PRDM16: variants seen among roughly 807,000 people sequenced by gnomAD.
The protein encoded by PRDM16 is histone-lysine N-methyltransferase PRDM16.
Under a neutral mutation model 110.6 loss-of-function variants are expected in PRDM16, and 23 were observed. The ratio of observed to expected loss-of-function variants is 0.21; its 90% CI spans 0.15 to 0.29. The LOEUF is 0.29. Among genes scored for constraint, PRDM16 ranks in the 10% least tolerant of loss-of-function variants. The probability of loss-of-function intolerance (pLI) is 1.00; values close to 1 mark genes in which losing one functional copy is unlikely to be tolerated. For synonymous variants in PRDM16, 799 were observed against 781.8 expected, an observed-to-expected ratio of 1.02 and a Z score of -0.37; for missense variants, 1,615 against 1,794.3, an observed-to-expected ratio of 0.90 and a Z score of 1.81.
intron 3 of PRDM16, among the ~76,000 whole-genome samples, chr1:3,328,301 T>C (rs1641963924): frequency 6.6e-6 from 1 of 152,366 alleles, no homozygotes; most frequent in Admixed American, 6.5e-5. Context: ...TGTGGGGAGC[T>C]GTTCTGTGCA....
intron 2 of PRDM16, among the ~76,000 whole-genome samples, chr1:3,218,497 C>G (rs1322799874): frequency 6.6e-6 from 1 of 152,252 alleles, no homozygotes; most frequent in Admixed American, 6.5e-5. Context: ...CATACGCACA[C>G]GTGCACACAG....
chr1:3,413,710 G>A (rs1258745672), intron 9 of PRDM16, among the ~76,000 whole-genome samples: 1 of 152,178 alleles, frequency 6.6e-6, no homozygotes, highest in Non-Finnish European at 1.5e-5. Flanking sequence ...CTCAGTGATG[G>A]GAAAGAGGCT....
chr1:3,406,329 C>G (rs1643561175), intron 8 of PRDM16, among the ~76,000 whole-genome samples: 1 of 152,072 alleles, frequency 6.6e-6, no homozygotes, highest in African/African-American at 2.4e-5. Flanking sequence ...GGCGTTCCAG[C>G]AAAGACACAA....
At chr1:3,422,883 G>A (rs1050928345) in intron 12 of PRDM16, among the ~76,000 whole-genome samples, 5 of 152,230 alleles carry the variant, frequency 3.3e-5, no homozygotes, top group Admixed American at 3.3e-4. Context: ...CCGGGTGCCC[G>A]GAGGCAGCTC....
chr1:3,414,813 C>A (rs1643753428), intron 10 of PRDM16, among the ~76,000 whole-genome samples, 166 bp downstream of exon 10: 1 of 152,092 alleles, frequency 6.6e-6, no homozygotes, highest in African/African-American at 2.4e-5. Flanking sequence ...TGAGGCCCCT[C>A]AGGTCACTGT....
intron 3 of PRDM16, among the ~76,000 whole-genome samples, chr1:3,296,035 A>T (rs1220482464): frequency 1.3e-5 from 2 of 152,164 alleles, no homozygotes; most frequent in African/African-American, 4.8e-5. Flanking sequence ...CCGCACTCCC[A>T]TCCTAAGCTG....
intron 3 of PRDM16, among the ~76,000 whole-genome samples, chr1:3,277,318 A>T (rs917603635): frequency 1.3e-5 from 2 of 151,278 alleles, no homozygotes; most frequent in African/African-American, 4.9e-5. Flanking sequence ...CACACGCTTC[A>T]CTCTCCCTGT....
In PRDM16 at chr1:3,358,818, G is replaced by T. The variant is rs184800017; in HGVS notation, c.439-26334G>T. 1.3e-5 allele frequency among the ~76,000 whole-genome samples: 2 copies of T among 152,130 alleles called. No individual in the cohort carries two copies. Among genetic ancestry groups the T allele is most frequent in the Non-Finnish European group, 2.9e-5 (2 of 68,042 alleles). On this transcript the variant is annotated intron_variant, in intron 3 of 16. Coordinates refer to ENST00000270722, the MANE Select transcript of PRDM16 (RefSeq NM_022114.4). The surrounding 1 kb of genome is among the most constrained non-coding windows in gnomAD (Gnocchi z 4.0). ...GTCACAGTGTGTGATGATTCCTGCC[G>T]GGGAGGAGGGAGCTCATTCCAAACT...
At chr1:3,395,498 C>G (rs1237179866) in intron 4 of PRDM16, among the ~76,000 whole-genome samples, 1 of 152,202 alleles carries the variant, frequency 6.6e-6, no homozygotes, top group African/African-American at 2.4e-5. Flanking sequence ...CTGCAGTTCC[C>G]TGGAAGCTCC....
intron 2 of PRDM16, among the ~76,000 whole-genome samples, chr1:3,202,208 G>A (rs1428335042): frequency 1.3e-5 from 2 of 152,186 alleles, no homozygotes; most frequent in African/African-American, 4.8e-5. Context: ...TACATGAGGG[G>A]AAACTGAGTC....
rs955472574 is a variant in PRDM16 at position 3,275,242 on chromosome 1, G to A, written c.438+31105G>A. On this transcript the variant is annotated intron_variant, in intron 3 of 16. Coordinates refer to ENST00000270722, the MANE Select transcript of PRDM16 (RefSeq NM_022114.4). ...TGAGTTTGCCAGAATCCAGCCAAGT[G>A]AGTAACATCGGCCTGTCAGCCATGG... Among the ~76,000 whole-genome samples the A allele has an allele frequency of 3.3e-5, 5 of 152,374 alleles. No individual in the cohort carries two copies. The East Asian group carries it at 7.7e-4, about 23-fold the overall frequency.
Position 3,417,907 on chromosome 1 carries a change from C to G in PRDM16, c.2771C>G (p.Pro924Arg), listed in dbSNP as rs776849795. 2 of 1,612,650 alleles carry G rather than the reference C, an allele frequency of 1.2e-6. No individual in the cohort carries two copies. The highest frequency in any genetic ancestry group is 3.3e-5 in the Admixed American group (2 of 60,004). ...GCGGACTCGGGCAGCTCCCTGCAGC[C>G]CCTCCCCCACCACCCCTTCAACTTC... ...MKADSGSSLQ[P>R]LPHHPFNFRS... The change falls in exon 11 of 17, where the codon CCC becomes CGC. Residue 924 changes from proline to arginine, a missense_variant. Around this residue, in one of 5 missense-constraint regions of PRDM16, gnomAD observed 772 missense variants for 748.3 expected, o/e 1.03. Coordinates refer to ENST00000270722, the MANE Select transcript of PRDM16 (RefSeq NM_022114.4).
chr1:3,367,840 C>T (rs1036064512), intron 3 of PRDM16, among the ~76,000 whole-genome samples: 2 of 152,060 alleles, frequency 1.3e-5, no homozygotes, highest in African/African-American at 4.8e-5. Context: ...GATATGAAAT[C>T]GAAAAGGCAA....
At chr1:3,179,965 C>T (rs971183823) in intron 1 of PRDM16, among the ~76,000 whole-genome samples, 2 of 152,020 alleles carry the variant, frequency 1.3e-5, no homozygotes, top group South Asian at 2.1e-4. Context: ...AAGACATTAA[C>T]GAATGACAAG....
chr1:3,110,303 C>T (rs1186704971), intron 1 of PRDM16, among the ~76,000 whole-genome samples: 2 of 147,734 alleles, frequency 1.4e-5, no homozygotes, highest in Non-Finnish European at 3.0e-5. Flanking sequence ...TCTGCGGCTC[C>T]CCCATGTCCT....
At chr1:3,276,329 C>T (rs956253067) in intron 3 of PRDM16, among the ~76,000 whole-genome samples, 42 of 152,352 alleles carry the variant, frequency 2.8e-4, no homozygotes, top group Middle Eastern at 3.4e-3. Context: ...GCACCGCAGA[C>T]TCCAGCAGCG....
intron 5 of PRDM16, among the ~76,000 whole-genome samples, chr1:3,401,766 C>T (rs895998053): frequency 1.3e-5 from 2 of 152,356 alleles, no homozygotes; most frequent in African/African-American, 4.8e-5. Flanking sequence ...GACAGAAACA[C>T]GTGCATTCAC....
chr1:3,411,880 C>A lies in PRDM16; in HGVS notation c.1683C>A (p.Ala561=), dbSNP rs771966209. 6.2e-7 allele frequency: 1 copy of A among 1,612,974 alleles called. No homozygotes were observed. The highest frequency in any genetic ancestry group is 1.7e-5 in the Admixed American group (1 of 59,976). ...LGNPALPLVS[A]VSNSSQGTTA... ...ACCCAGCCCTGCCCCTGGTCTCCGCCGTCAGCAACAGCAGCCAGGGCACGA... is the reference window on the plus strand; with the variant it reads ...ACCCAGCCCTGCCCCTGGTCTCCGCAGTCAGCAACAGCAGCCAGGGCACGA... Residue 561 remains alanine, a synonymous_variant, in exon 9 of 17, where the codon GCC becomes GCA. Transcript: ENST00000270722.
intron 4 of PRDM16, among the ~76,000 whole-genome samples, chr1:3,394,195 T>TG (rs1226447909): frequency 4.1e-5 from 6 of 145,146 alleles, no homozygotes; most frequent in Non-Finnish European, 9.2e-5. Flanking sequence ...GGAGCTGCGG[T>TG]GGGGGGCATC....
Sources: gnomAD v4.1 joint callset for allele counts (sites outside exome capture counted in the v4.1 genomes callset) on GRCh38, gnomAD v4.1.1 for gene constraint, gnomAD v4.1.1 regional missense constraint, Gnocchi (gnomAD v3.1) non-coding constraint, MANE v1.5 for transcripts, NCBI Gene and HGNC (gene_info 2026-07-23, HGNC 2026-07-21) for gene names.